KCNJ6: variants seen among roughly 807,000 people sequenced by gnomAD.
KCNJ6 encodes the protein G protein-activated inward rectifier potassium channel 2.
KCNJ6 carries 9 observed loss-of-function variants against 34.2 expected under a neutral mutation model. That is an observed-to-expected ratio of 0.26 (90% CI 0.16 to 0.46). The LOEUF is 0.46. Ranked by LOEUF, KCNJ6 falls within the 20% of genes least tolerant of loss-of-function variation. The pLI is 1.00. For missense variants in KCNJ6, 236 were observed against 531.3 expected, an observed-to-expected ratio of 0.44 and a Z score of 5.46; for synonymous variants, 196 against 207.1, an observed-to-expected ratio of 0.95 and a Z score of 0.46.
At chr21:37,902,998 TC>T (rs1020035723) in intron 1 of KCNJ6, among the ~76,000 whole-genome samples, 2 of 152,196 alleles carry the variant, frequency 1.3e-5, no homozygotes, top group Non-Finnish European at 2.9e-5. Flanking sequence ...CCATTTTTTT[TC>T]CTCTCTCTTT....
At chr21:37,784,695 C>A (rs56108848) in intron 2 of KCNJ6, among the ~76,000 whole-genome samples, 2 of 151,920 alleles carry the variant, frequency 1.3e-5, no homozygotes, top group African/African-American at 4.8e-5. Flanking sequence ...GGGGGCCCAG[C>A]GGCTGGGTCT....
chr21:37,829,274 T>C (rs928719256), intron 2 of KCNJ6, among the ~76,000 whole-genome samples: 1 of 151,788 alleles, frequency 6.6e-6, no homozygotes, highest in Non-Finnish European at 1.5e-5. Flanking sequence ...TGGCAGTTGG[T>C]GGGAGGCGGG....
intron 2 of KCNJ6, among the ~76,000 whole-genome samples, chr21:37,816,366 T>G (rs542147238): frequency 1.6e-4 from 25 of 152,352 alleles, no homozygotes; most frequent in African/African-American, 5.8e-4. Flanking sequence ...TTCTATGCTC[T>G]AGATATTGCC....
chr21:37,815,030 G>A (rs576316554), intron 2 of KCNJ6, among the ~76,000 whole-genome samples: 3 of 151,904 alleles, frequency 2.0e-5, no homozygotes, highest in South Asian at 2.1e-4. Context: ...GATAAACATC[G>A]CATGTTCTCA....
intron 2 of KCNJ6, among the ~76,000 whole-genome samples, chr21:37,779,264 G>T (rs1281031124): frequency 6.6e-6 from 1 of 151,996 alleles, no homozygotes; most frequent in Non-Finnish European, 1.5e-5. Context: ...TGGTATTACT[G>T]GCCCATTTCA....
In KCNJ6 at chr21:37,714,786, A is replaced by C. The variant is rs769054665; in HGVS notation, c.371T>G (p.Ile124Arg). The C allele has an allele frequency of 1.2e-6, 2 of 1,614,180 alleles. No homozygotes were observed. The highest frequency in any genetic ancestry group is 2.2e-5 in the East Asian group (1 of 44,882). ...IAYIRGDMDH[I>R]EDPSWTPCVT... Reference sequence around the variant, plus strand: ...ACAAGGAGTCCAGGAGGGGTCCTCTATGTGGTCCATGTCTCCCCGTATGTA... The same window carrying C: ...ACAAGGAGTCCAGGAGGGGTCCTCTCTGTGGTCCATGTCTCCCCGTATGTA... The change falls in exon 3 of 4, where the codon ATA (isoleucine) becomes AGA (arginine). Residue 124 changes from isoleucine (I) to arginine (R), a missense_variant. Physicochemically the swap from Ile to Arg is moderately conservative, Grantham distance 97. Around this residue, in one of 5 missense-constraint regions of KCNJ6, gnomAD observed 68 missense variants for 165.7 expected, o/e 0.41. Coordinates refer to ENST00000609713, the MANE Select transcript of KCNJ6 (RefSeq NM_002240.5). This position sits in a 1 kb window ranked among gnomAD's most constrained non-coding sequence, Gnocchi z 5.9.
At chr21:37,845,302 T>C (rs1280122489) in intron 1 of KCNJ6, among the ~76,000 whole-genome samples, 1 of 152,220 alleles carries the variant, frequency 6.6e-6, no homozygotes, top group Non-Finnish European at 1.5e-5. Flanking sequence ...GGAATCATAC[T>C]TGTTGGGAGA....
At chr21:37,799,491 G>A (rs1490592233) in intron 2 of KCNJ6, among the ~76,000 whole-genome samples, 1 of 152,158 alleles carries the variant, frequency 6.6e-6, no homozygotes, top group Admixed American at 6.6e-5. Context: ...ACTCCGTTGA[G>A]CAAAGTGAGT....
intron 1 of KCNJ6, among the ~76,000 whole-genome samples, chr21:37,856,068 C>A (rs1038224230): frequency 6.6e-6 from 1 of 152,116 alleles, no homozygotes; most frequent in African/African-American, 2.4e-5. Flanking sequence ...GGTGCTAGGG[C>A]AGATGGTGCT....
intron 2 of KCNJ6, among the ~76,000 whole-genome samples, chr21:37,773,443 T>A (rs1194367664): frequency 1.3e-5 from 2 of 152,124 alleles, no homozygotes; most frequent in Admixed American, 1.3e-4. Flanking sequence ...TCTCTCCTTC[T>A]TATGAGTAGG....
chr21:37,883,476 T>C (rs2836031), intron 1 of KCNJ6, among the ~76,000 whole-genome samples: 64,500 of 152,060 alleles, frequency 0.42, 17,918 homozygotes, highest in African/African-American at 0.78. Context: ...GCATGCTTCA[T>C]GTTACTGGGG....
intron 1 of KCNJ6, among the ~76,000 whole-genome samples, chr21:37,885,369 A>T (rs2055730196): frequency 6.6e-6 from 1 of 152,032 alleles, no homozygotes; most frequent in African/African-American, 2.4e-5. Flanking sequence ...GGCCCCCAAG[A>T]TCCTTGCTGC....
chr21:37,903,943 G>A (rs918657468), intron 1 of KCNJ6, among the ~76,000 whole-genome samples: 13 of 152,138 alleles, frequency 8.5e-5, no homozygotes, highest in Admixed American at 3.9e-4. Flanking sequence ...CTTTATATTG[G>A]TAGAGAGTAA....
At chr21:37,648,890 G>A (rs1489312645) in intron 3 of KCNJ6, among the ~76,000 whole-genome samples, 5 of 151,926 alleles carry the variant, frequency 3.3e-5, no homozygotes, top group East Asian at 1.9e-4. Flanking sequence ...CCAGCACTTC[G>A]GGAGGCTAAG....
At chr21:37,828,957 G>A (rs1170139078) in intron 2 of KCNJ6, among the ~76,000 whole-genome samples, 1 of 152,198 alleles carries the variant, frequency 6.6e-6, no homozygotes, top group African/African-American at 2.4e-5. Context: ...TTGTTTGCAT[G>A]GCCATTTGTT....
chr21:37,786,573 C>T (rs564269102), intron 2 of KCNJ6, among the ~76,000 whole-genome samples: 13 of 152,338 alleles, frequency 8.5e-5, no homozygotes, highest in Admixed American at 3.9e-4. Flanking sequence ...GCAGCTACCC[C>T]GATTGGTGGC....
intron 1 of KCNJ6, among the ~76,000 whole-genome samples, chr21:37,876,501 G>GA (rs2055678958): frequency 6.6e-6 from 1 of 151,582 alleles, no homozygotes; most frequent in Non-Finnish European, 1.5e-5. Context: ...CAGGACATTT[G>GA]AAAAAATAAG....
At chr21:37,796,993 C>A (rs1028611638) in intron 2 of KCNJ6, among the ~76,000 whole-genome samples, 1 of 151,490 alleles carries the variant, frequency 6.6e-6, no homozygotes, top group African/African-American at 2.4e-5. Flanking sequence ...CGGGGTTTCA[C>A]CTTGTTAGCC....
chr21:37,772,267 T>C (rs531040641), intron 2 of KCNJ6, among the ~76,000 whole-genome samples: 1 of 152,272 alleles, frequency 6.6e-6, no homozygotes, highest in East Asian at 1.9e-4. Flanking sequence ...GCCGAGACAA[T>C]TTATTATTGG....
Sources: allele counts gnomAD v4.1 joint callset (sites outside exome capture counted in the v4.1 genomes callset), GRCh38; gene constraint gnomAD v4.1.1; regional missense constraint gnomAD v4.1.1; non-coding constraint Gnocchi (gnomAD v3.1); transcripts MANE v1.5; gene names NCBI Gene and HGNC (gene_info 2026-07-23, HGNC 2026-07-21).